Variants in HSFY2 observed in about 807,000 individuals in gnomAD.
The protein encoded by HSFY2 is heat shock transcription factor Y-linked 2.
intron 1 of HSFY2, among the ~76,000 whole-genome samples, chrY:18,759,075 G>A: frequency 3.7e-5 from 1 of 27,113 alleles, no homozygotes; most frequent in Non-Finnish European, 8.6e-5. Flanking sequence ...GTCCTACACA[G>A]AAGACAGCTT....
chrY:18,759,122 T>C, intron 1 of HSFY2, among the ~76,000 whole-genome samples: 1 of 28,906 alleles, frequency 3.5e-5, no homozygotes, highest in Non-Finnish European at 8.2e-5. Flanking sequence ...AATAGGCGTT[T>C]TTATGGAGTA....
chrY:18,788,648 G>C, the HSFY2 span, among the ~76,000 whole-genome samples: 1 of 16,562 alleles, frequency 6.0e-5, no homozygotes, highest in Non-Finnish European at 1.3e-4. Flanking sequence ...CTGGGTGACA[G>C]AGCAAGACTC....
At chrY:18,769,967 A>ATGTG, downstream of HSFY2, among the ~76,000 whole-genome samples, 23 of 24,680 alleles carry the variant, frequency 9.3e-4, no homozygotes, top group African/African-American at 2.0e-3. Flanking sequence ...ATTCACATAC[A>ATGTG]TGTGTGTGTG....
At chrY:18,770,005 A>G (rs377416015), downstream of HSFY2, among the ~76,000 whole-genome samples, 5,024 of 25,107 alleles carry the variant, frequency 0.2, no homozygotes, top group African/African-American at 0.6. Flanking sequence ...GTGTGTGTGT[A>G]TATACACACA....
intron 1 of HSFY2, among the ~76,000 whole-genome samples, chrY:18,759,119 G>A: frequency 7.3e-5 from 2 of 27,408 alleles, no homozygotes; most frequent in African/African-American, 2.9e-4. Flanking sequence ...CCAAATAGGC[G>A]TTTTTATGGA....
At chrY:18,769,909 C>T, downstream of HSFY2, among the ~76,000 whole-genome samples, 2 of 18,818 alleles carry the variant, frequency 1.1e-4, no homozygotes. Flanking sequence ...GTGTTTTTGA[C>T]AACGAAAATA....
downstream of HSFY2, among the ~76,000 whole-genome samples, chrY:18,770,010 C>T (rs1603536480): frequency 1.5e-4 from 4 of 26,316 alleles, no homozygotes; most frequent in African/African-American, 6.5e-4. Flanking sequence ...TGTGTATATA[C>T]ACACACACTC....
downstream of HSFY2, among the ~76,000 whole-genome samples, chrY:18,770,007 A>G (rs2044540556): frequency 1.4e-4 from 4 of 27,847 alleles, no homozygotes; most frequent in African/African-American, 6.3e-4. Context: ...GTGTGTGTAT[A>G]TACACACACA....
chrY:18,770,003 G>GTATA (rs746859090), downstream of HSFY2, among the ~76,000 whole-genome samples: 1 of 27,623 alleles, frequency 3.6e-5, no homozygotes, highest in African/African-American at 1.6e-4. Flanking sequence ...GTGTGTGTGT[G>GTATA]TATATACACA....
intron 1 of HSFY2, among the ~76,000 whole-genome samples, chrY:18,759,134 T>C: frequency 1.8e-4 from 5 of 27,754 alleles, no homozygotes; most frequent in African/African-American, 7.2e-4. Flanking sequence ...TATGGAGTAA[T>C]CAAAAAAAAA....
chrY:18,769,946 A>G (rs2044540236), downstream of HSFY2, among the ~76,000 whole-genome samples: 1 of 25,787 alleles, frequency 3.9e-5, no homozygotes, highest in Non-Finnish European at 9.1e-5. Context: ...GTCCGCAGTC[A>G]ACATCAACTA....
At chrY:18,759,096 TA>T (rs2044539716) in intron 1 of HSFY2, among the ~76,000 whole-genome samples, 4 of 27,145 alleles carry the variant, frequency 1.5e-4, no homozygotes, top group Admixed American at 3.4e-4. Context: ...CTCCCAATTT[TA>T]AAAAAAACAC....
At chrY:18,788,631 C>G in the HSFY2 span, among the ~76,000 whole-genome samples, 1 of 14,128 alleles carries the variant, frequency 7.1e-5, no homozygotes, top group Non-Finnish European at 1.5e-4. Flanking sequence ...CGCCACTGCA[C>G]TCCAGCCTGG....
the HSFY2 span, among the ~76,000 whole-genome samples, chrY:18,781,815 C>CT: frequency 1.3e-4 from 4 of 31,610 alleles, no homozygotes; most frequent in Admixed American, 3.2e-4. Flanking sequence ...GTGCCTCAGG[C>CT]TTTTTTTTTT....
At position 18,759,096 on chromosome Y, in the gene HSFY2, T is replaced by TA. The variant is rs2044539716; in HGVS notation, c.513+14009dup. On this transcript the variant is annotated intron_variant, in intron 1 of 1. Transcript: ENST00000344884. ...CACAGAAGACAGCTTCTCCCAATTTTAAAAAAAACACCCCAAATAGGCGTT... is the reference window on the plus strand; with the variant it reads ...CACAGAAGACAGCTTCTCCCAATTTTAAAAAAAAACACCCCAAATAGGCGTT... Among the ~76,000 whole-genome samples the TA allele has an allele frequency of 2.2e-4, 6 of 27,197 alleles. No homozygotes were observed. The East Asian group carries it at 4.4e-3, about 20-fold the overall frequency. 73.0% of individuals were successfully genotyped at this position (27,197 alleles called of 37,273 possible). A position where few individuals can be genotyped will look rare whatever the true frequency, so the allele number is the denominator to read the frequency against.
At chrY:18,759,007 A>AT (rs2044539508) in intron 1 of HSFY2, among the ~76,000 whole-genome samples, 2 of 23,832 alleles carry the variant, frequency 8.4e-5, no homozygotes, top group African/African-American at 3.4e-4. Context: ...AAAAAAAAAA[A>AT]AAAAGTTAAA....
intron 1 of HSFY2, among the ~76,000 whole-genome samples, chrY:18,759,097 A>T: frequency 6.9e-5 from 2 of 28,862 alleles, no homozygotes; most frequent in South Asian, 1.6e-3. Flanking sequence ...TCCCAATTTT[A>T]AAAAAAACAC....
At chrY:18,770,003 G>GTGTGTATA, downstream of HSFY2, among the ~76,000 whole-genome samples, 1 of 27,660 alleles carries the variant, frequency 3.6e-5, no homozygotes, top group African/African-American at 1.6e-4. Flanking sequence ...GTGTGTGTGT[G>GTGTGTATA]TATATACACA....
chrY:18,769,966 CAT>C (rs1491008462), downstream of HSFY2, among the ~76,000 whole-genome samples: 11 of 25,309 alleles, frequency 4.3e-4, no homozygotes, highest in Admixed American at 6.2e-4. Context: ...AATTCACATA[CAT>C]GTGTGTGTGT....
Sources: gnomAD v4.1 joint callset for allele counts (sites outside exome capture counted in the v4.1 genomes callset) on GRCh38, gnomAD v4.1.1 for gene constraint, MANE v1.5 for transcripts, NCBI Gene and HGNC (gene_info 2026-07-23, HGNC 2026-07-21) for gene names.